RAB11FIP4: variants seen among roughly 807,000 people sequenced by gnomAD.
The protein encoded by RAB11FIP4 is rab11 family-interacting protein 4.
Under a neutral mutation model 74.3 loss-of-function variants are expected in RAB11FIP4, and 23 were observed. That is an observed-to-expected ratio of 0.31 (90% CI 0.22 to 0.44). The LOEUF (loss-of-function observed/expected upper bound fraction) is 0.44, where lower values mean the gene tolerates loss of function less well. Ranked by LOEUF, RAB11FIP4 falls within the 20% of genes least tolerant of loss-of-function variation. RAB11FIP4 has a pLI of 1.00. For synonymous variants in RAB11FIP4, 360 were observed against 359.9 expected (o/e 1.00, Z 0.00); for missense variants, 630 against 863.9 (o/e 0.73, Z 3.39).
chr17:31,514,898 T>G (rs1424084463), intron 3 of RAB11FIP4, among the ~76,000 whole-genome samples: 1 of 152,202 alleles, frequency 6.6e-6, no homozygotes, highest in Non-Finnish European at 1.5e-5. Context: ...TAAAATGTGC[T>G]CTCCTTGTTG....
rs376979351 is a variant in RAB11FIP4, at chr17:31,528,388, C to T, written c.1357-18C>T. The T allele has an allele frequency of 4.3e-4, 698 of 1,609,118 alleles. No homozygotes were observed. Among genetic ancestry groups the T allele is most frequent in the Non-Finnish European group, 5.3e-4 (623 of 1,178,874 alleles). On this transcript the variant is annotated intron_variant, in intron 11 of 14. Transcript: ENST00000621161. ...TCTCTGGGAACTCTCCTCCCCTGAT[C>T]GGGTCTCCCTGCTCCAGGAGCGGCA...
chr17:31,450,073 A>T (rs756967175), intron 3 of RAB11FIP4, among the ~76,000 whole-genome samples: 3 of 152,288 alleles, frequency 2.0e-5, no homozygotes, highest in South Asian at 2.1e-4. Flanking sequence ...TCTTACAGTG[A>T]TGTAGAACAA....
At chr17:31,416,241 T>G (rs12945269) in intron 1 of RAB11FIP4, among the ~76,000 whole-genome samples, 86,314 of 152,106 alleles carry the variant, frequency 0.57, 27,912 homozygotes, top group Non-Finnish European at 0.71. Flanking sequence ...TCCTCCAGGA[T>G]GCTTTCCACA....
chr17:31,398,966 C>T (rs1431251698), intron 1 of RAB11FIP4, among the ~76,000 whole-genome samples: 1 of 152,168 alleles, frequency 6.6e-6, no homozygotes, highest in African/African-American at 2.4e-5. Context: ...GAGGGCAGTG[C>T]ATTGCTAGGG....
chr17:31,520,656 C>T (rs940240341), intron 4 of RAB11FIP4, among the ~76,000 whole-genome samples: 5 of 152,066 alleles, frequency 3.3e-5, no homozygotes, highest in African/African-American at 1.2e-4. Flanking sequence ...TACAGGTGCT[C>T]GCCACCACGC....
intron 3 of RAB11FIP4, among the ~76,000 whole-genome samples, chr17:31,455,758 G>C (rs747006516): frequency 3.3e-5 from 5 of 152,158 alleles, no homozygotes; most frequent in Admixed American, 6.5e-5. Context: ...AACATTCTTG[G>C]TCAGACCCCT....
At chr17:31,461,121 CT>C (rs2071630349) in intron 3 of RAB11FIP4, among the ~76,000 whole-genome samples, 1 of 151,728 alleles carries the variant, frequency 6.6e-6, no homozygotes, top group African/African-American at 2.4e-5. Flanking sequence ...AACAACCCCC[CT>C]GACTCCCACC....
At position 31,517,597 on chromosome 17, in the gene RAB11FIP4, CTG is replaced by C. The variant is rs1427469949; in HGVS notation, c.337-53_337-52del. On this transcript the variant is annotated intron_variant, in intron 3 of 14. Transcript: ENST00000621161. The stretch of plus-strand genomic sequence containing the variant: ...ATGCCCTTGTGGTCTGATTGGAACA[CTG>C]AGCCCTGGGAAGCTGGCCTCACTTA... The C allele has an allele frequency of 4.6e-6, 7 of 1,505,952 alleles. No homozygotes were observed. In the African/African-American group the frequency reaches 8.3e-5, roughly 18 times the overall value. 93.3% of individuals were successfully genotyped at this position (1,505,952 alleles called of 1,614,324 possible).
intron 1 of RAB11FIP4, among the ~76,000 whole-genome samples, chr17:31,418,357 C>T (rs2071167852): frequency 6.6e-6 from 1 of 152,080 alleles, no homozygotes; most frequent in African/African-American, 2.4e-5. Context: ...CATTGCATTC[C>T]AGCCTGGGAG....
At position 31,535,633 on chromosome 17, in the gene RAB11FIP4, G is replaced by A. The variant is rs1188044551; in HGVS notation, c.*3901G>A. 1 of 152,266 alleles carries A rather than the reference G, an allele frequency of 6.6e-6. No individual in the cohort carries two copies. Among genetic ancestry groups the A allele is most frequent in the East Asian group, 1.9e-4 (1 of 5,190 alleles). The allele number at this position is 152,266 out of a possible 1,614,324, so 9.4% of individuals were successfully genotyped here. On this transcript the variant is annotated 3_prime_UTR_variant, in exon 15 of 15. Coordinates refer to ENST00000621161, the MANE Select transcript of RAB11FIP4 (RefSeq NM_032932.6). ...ATGGTCCTGGCCTGCAGGATGGGAG[G>A]CCAGATGCCTTCAGGAGCTGGTGGA...
chr17:31,443,731 G>A (rs765598643), intron 3 of RAB11FIP4, among the ~76,000 whole-genome samples: 20 of 152,010 alleles, frequency 1.3e-4, no homozygotes, highest in African/African-American at 4.4e-4. Context: ...CCAACATGGC[G>A]AAACCCCATC....
At chr17:31,468,913 A>T (rs956558536) in intron 3 of RAB11FIP4, among the ~76,000 whole-genome samples, 1 of 152,142 alleles carries the variant, frequency 6.6e-6, no homozygotes, top group Non-Finnish European at 1.5e-5. Context: ...CCTCTGGAGC[A>T]CGTGAGGGTC....
At chr17:31,477,518 A>G (rs975392724) in intron 3 of RAB11FIP4, among the ~76,000 whole-genome samples, 1 of 152,232 alleles carries the variant, frequency 6.6e-6, no homozygotes, top group Non-Finnish European at 1.5e-5. Context: ...TGTGGGGAGA[A>G]GAGCAGCGCG....
chr17:31,488,222 C>T (rs2071936602), intron 3 of RAB11FIP4: 1 of 1,136,018 alleles, frequency 8.8e-7, no homozygotes, highest in Non-Finnish European at 1.1e-6. Context: ...TTCCGCGCCT[C>T]TGCCGGGGAG....
chr17:31,406,166 T>G (rs1414505159), intron 1 of RAB11FIP4, among the ~76,000 whole-genome samples: 2 of 152,232 alleles, frequency 1.3e-5, no homozygotes, highest in Non-Finnish European at 2.9e-5. Context: ...GAAGGGGGGT[T>G]GTCTGGAGCC....
chr17:31,400,625 G>A (rs1269542562), intron 1 of RAB11FIP4, among the ~76,000 whole-genome samples: 1 of 152,258 alleles, frequency 6.6e-6, no homozygotes, highest in Admixed American at 6.5e-5. Context: ...TGGGGGCCAG[G>A]AGCAGAGGAG....
In RAB11FIP4 at chr17:31,531,866, C is replaced by A; in HGVS notation, c.*134C>A. ...CTGGCCACCATGCGTTACGTGTACC[C>A]GTGTATATGTGGGGAGGCTGTGCAC... On this transcript the variant is annotated 3_prime_UTR_variant, in exon 15 of 15. Transcript: ENST00000621161. 1.5e-6 allele frequency: 1 copy of A among 677,238 alleles called. No homozygotes were observed. Among genetic ancestry groups the A allele is most frequent in the East Asian group, 2.5e-5 (1 of 39,706 alleles). 42.0% of individuals were successfully genotyped at this position (677,238 alleles called of 1,614,324 possible). A position where few individuals can be genotyped will look rare whatever the true frequency, so the allele number is the denominator to read the frequency against.
intron 1 of RAB11FIP4, among the ~76,000 whole-genome samples, chr17:31,420,202 T>TA (rs2071185833): frequency 6.6e-6 from 1 of 152,162 alleles, no homozygotes; most frequent in Admixed American, 6.5e-5. Context: ...TTATTAGCCT[T>TA]TTAAAGGATG....
chr17:31,430,180 G>A (rs930951648), intron 1 of RAB11FIP4, among the ~76,000 whole-genome samples: 3 of 152,090 alleles, frequency 2.0e-5, no homozygotes, highest in African/African-American at 7.2e-5. Flanking sequence ...CCAAGTTGTA[G>A]GGAATAGCAT....
Sources: allele counts gnomAD v4.1 joint callset (sites outside exome capture counted in the v4.1 genomes callset), GRCh38; gene constraint gnomAD v4.1.1; transcripts MANE v1.5; gene names NCBI Gene and HGNC (gene_info 2026-07-23, HGNC 2026-07-21).